The following CEP112 variants were observed in gnomAD, a reference collection of about 807,000 sequenced individuals.
The protein encoded by CEP112 is centrosomal protein of 112 kDa.
Under a neutral mutation model 153.0 loss-of-function variants are expected in CEP112, and 127 were observed. That is an observed-to-expected ratio of 0.83 (90% CI 0.72 to 0.96). CEP112 has a LOEUF of 0.96. Among genes scored for constraint, CEP112 ranks in the 40% least tolerant of loss-of-function variants. The pLI, the probability that CEP112 is intolerant of heterozygous loss-of-function variation, is 0.00. For missense variants in CEP112, 1,089 were observed against 1,101.2 expected, an observed-to-expected ratio of 0.99 and a Z score of 0.16; for synonymous variants, 358 against 374.4, an observed-to-expected ratio of 0.96 and a Z score of 0.51.
At chr17:65,745,504 G>T (rs1209956456) in intron 22 of CEP112, among the ~76,000 whole-genome samples, 2 of 152,186 alleles carry the variant, frequency 1.3e-5, no homozygotes, top group African/African-American at 4.8e-5. Flanking sequence ...AAAAGAGTCA[G>T]ATTTCCTTGG....
intron 18 of CEP112, among the ~76,000 whole-genome samples, chr17:65,937,912 A>G (rs2061397962): frequency 1.6e-5 from 2 of 121,880 alleles, no homozygotes; most frequent in African/African-American, 2.8e-5. Context: ...CCCATCTGGG[A>G]GGTGTGCCCA....
intron 20 of CEP112, among the ~76,000 whole-genome samples, chr17:65,859,027 T>A (rs1186798293): frequency 1.3e-5 from 2 of 152,174 alleles, no homozygotes; most frequent in African/African-American, 4.8e-5. Flanking sequence ...ATTCCAGAGA[T>A]CAATTCAAAG....
At chr17:65,953,392 C>T (rs1384623746) in intron 18 of CEP112, among the ~76,000 whole-genome samples, 2 of 152,170 alleles carry the variant, frequency 1.3e-5, no homozygotes, top group Non-Finnish European at 2.9e-5. Flanking sequence ...AGACTCACAT[C>T]GTGAACTTTG....
chr17:66,020,348 G>GA (rs5821557), intron 16 of CEP112, among the ~76,000 whole-genome samples: 62,502 of 152,064 alleles, frequency 0.41, 14,309 homozygotes, highest in East Asian at 0.87. Flanking sequence ...TGATTTAAAA[G>GA]AGCACTCATG....
At chr17:66,090,266 G>C (rs1382169295) in intron 8 of CEP112, among the ~76,000 whole-genome samples, 2 of 151,900 alleles carry the variant, frequency 1.3e-5, no homozygotes, top group East Asian at 3.9e-4. Flanking sequence ...GTAAAAGTAA[G>C]GAAACAATCA....
chr17:65,831,997 T>C (rs1455249295), intron 21 of CEP112, among the ~76,000 whole-genome samples: 1 of 152,176 alleles, frequency 6.6e-6, no homozygotes, highest in African/African-American at 2.4e-5. Flanking sequence ...CACACTGTTG[T>C]ACCACAGTGT....
Position 65,939,550 on chromosome 17 carries a change from A to G in CEP112, c.1873-11861T>C, listed in dbSNP as rs567551224. On this transcript the variant is annotated intron_variant, in intron 18 of 26. Transcript: ENST00000535342. The stretch of plus-strand genomic sequence containing the variant: ...GTATAGGCACAAGAGCTGATACATT[A>G]GCCAGAGGAACAGGATAGAGTTCAG... Among the ~76,000 whole-genome samples the G allele has an allele frequency of 2.6e-5, 4 of 152,346 alleles. No individual in the cohort carries two copies. In the South Asian group the frequency reaches 6.2e-4, roughly 24 times the overall value.
chr17:66,010,789 TGCATCCCAGGGATAAAGTA>T (rs1385850680), intron 16 of CEP112, among the ~76,000 whole-genome samples: 1 of 152,226 alleles, frequency 6.6e-6, no homozygotes, highest in Non-Finnish European at 1.5e-5. Flanking sequence ...GAGTCAACCT[TGCATCCCAGGGATAAAGTA>T]TACTTGATTG....
At chr17:65,978,220 C>T (rs9908945) in intron 17 of CEP112, among the ~76,000 whole-genome samples, 78,920 of 151,728 alleles carry the variant, frequency 0.52, 21,512 homozygotes, top group African/African-American at 0.6. Context: ...CATGCCACTA[C>T]ACTCCAGCCT....
intron 17 of CEP112, among the ~76,000 whole-genome samples, chr17:65,996,668 C>CA (rs1368531964): frequency 6.6e-6 from 1 of 152,168 alleles, no homozygotes; most frequent in Non-Finnish European, 1.5e-5. Flanking sequence ...TCCACTTTCT[C>CA]ATTACTTAAA....
At chr17:65,695,638 G>A (rs2144503737) in intron 23 of CEP112, among the ~76,000 whole-genome samples, 1 of 152,160 alleles carries the variant, frequency 6.6e-6, no homozygotes, top group South Asian at 2.1e-4. Flanking sequence ...TTTAATAAAG[G>A]AAAACTTTAT....
chr17:66,104,109 C>A (rs184147790), intron 6 of CEP112, among the ~76,000 whole-genome samples: 10 of 152,270 alleles, frequency 6.6e-5, no homozygotes, highest in Non-Finnish European at 1.2e-4. Flanking sequence ...GAGCTCAAAG[C>A]CAGTGGGCTT....
chr17:66,150,340 G>A (rs907115318), intron 4 of CEP112, among the ~76,000 whole-genome samples: 1 of 151,098 alleles, frequency 6.6e-6, no homozygotes, highest in Non-Finnish European at 1.5e-5. Context: ...TGGGACTACA[G>A]ACATGTGCCA....
chr17:65,905,140 AG>A (rs1356868689), intron 19 of CEP112, among the ~76,000 whole-genome samples: 4 of 152,230 alleles, frequency 2.6e-5, no homozygotes, highest in Admixed American at 2.6e-4. Flanking sequence ...GCACAGCAAA[AG>A]AAACTATCAT....
chr17:65,936,549 C>G (rs761650354), intron 18 of CEP112, among the ~76,000 whole-genome samples: 5 of 151,992 alleles, frequency 3.3e-5, no homozygotes, highest in African/African-American at 9.7e-5. Flanking sequence ...AAACAAAACC[C>G]AGAATTCAAC....
Position 65,901,774 on chromosome 17 carries a change from T to C in CEP112, c.2163+378A>G, listed in dbSNP as rs114771056. On this transcript the variant is annotated intron_variant, in intron 20 of 26. Transcript: ENST00000535342. ...CAGCTGCTTGATTACCTACAGAGAT[T>C]AAAACAAAAAGCAAGGAGTGAGGCT... Among the ~76,000 whole-genome samples the C allele has an allele frequency of 9.1e-3, 1,385 of 151,674 alleles. 28 individuals carry two copies. Among genetic ancestry groups the C allele is most frequent in the African/African-American group, 0.032 (1,312 of 41,326 alleles).
At chr17:65,880,734 C>T (rs1013335314) in intron 20 of CEP112, among the ~76,000 whole-genome samples, 1 of 152,204 alleles carries the variant, frequency 6.6e-6, no homozygotes, top group African/African-American at 2.4e-5. Flanking sequence ...GGGGCTAGCT[C>T]ACACCTCTGA....
chr17:65,769,557 A>G (rs1246148344), intron 21 of CEP112, among the ~76,000 whole-genome samples: 1 of 152,156 alleles, frequency 6.6e-6, no homozygotes, highest in Non-Finnish European at 1.5e-5. Context: ...GTACTGATAT[A>G]GAAACAGATG....
chr17:65,765,414 A>G (rs1276461068), intron 21 of CEP112, among the ~76,000 whole-genome samples: 1 of 152,074 alleles, frequency 6.6e-6, no homozygotes, highest in African/African-American at 2.4e-5. Context: ...AAGTGCAACA[A>G]AGTGCTCTGG....
Sources: allele counts gnomAD v4.1 joint callset (sites outside exome capture counted in the v4.1 genomes callset), GRCh38; gene constraint gnomAD v4.1.1; transcripts MANE v1.5; gene names NCBI Gene and HGNC (gene_info 2026-07-23, HGNC 2026-07-21).